The following RBFOX1 variants were observed in gnomAD, a reference collection of about 807,000 sequenced individuals.
The protein encoded by RBFOX1 is RNA binding protein fox-1 homolog 1.
In RBFOX1, 8 loss-of-function variants were observed where a neutral mutation model predicts 57.7. The ratio of observed to expected loss-of-function variants is 0.14; its 90% CI spans 0.08 to 0.25. The LOEUF is 0.25. Ranked by LOEUF, RBFOX1 falls within the 10% of genes least tolerant of loss-of-function variation. The probability of loss-of-function intolerance (pLI) is 1.00; values close to 1 mark genes in which losing one functional copy is unlikely to be tolerated. For synonymous variants in RBFOX1, 326 were observed against 222.4 expected, an observed-to-expected ratio of 1.47 and a Z score of -4.15; for missense variants, 611 against 548.5, an observed-to-expected ratio of 1.11 and a Z score of -1.14.
chr16:6,405,543 G>A (rs560205273), intron 2 of RBFOX1, among the ~76,000 whole-genome samples: 14 of 152,278 alleles, frequency 9.2e-5, no homozygotes, highest in Non-Finnish European at 1.3e-4. Flanking sequence ...CCATGCTTAG[G>A]CCTGCAAGTG....
chr16:6,871,640 G>C (rs1010106896), intron 3 of RBFOX1, among the ~76,000 whole-genome samples: 41 of 151,792 alleles, frequency 2.7e-4, no homozygotes, highest in Admixed American at 7.2e-4. Context: ...CTCCTGCCTG[G>C]AGTGCTGTCA....
intron 2 of RBFOX1, among the ~76,000 whole-genome samples, chr16:6,330,259 G>A (rs558000680): frequency 1.8e-4 from 28 of 152,118 alleles, no homozygotes; most frequent in African/African-American, 2.2e-4. Flanking sequence ...TTACTCCTGC[G>A]TAGTGGTGGC....
At chr16:6,356,876 C>T (rs1022512906) in intron 2 of RBFOX1, among the ~76,000 whole-genome samples, 5 of 152,124 alleles carry the variant, frequency 3.3e-5, no homozygotes, top group African/African-American at 2.4e-5. Context: ...TCTCTGTACT[C>T]TCTCTGCAAT....
At chr16:5,805,014 C>T (rs1206785861) in intron 3 of RBFOX1, among the ~76,000 whole-genome samples, 2 of 151,834 alleles carry the variant, frequency 1.3e-5, no homozygotes, top group East Asian at 3.9e-4. Flanking sequence ...GCTGCTGTGA[C>T]TTGGAGGCTC....
chr16:7,454,215 A>T (rs1285059373), intron 4 of RBFOX1, among the ~76,000 whole-genome samples: 1 of 152,160 alleles, frequency 6.6e-6, no homozygotes, highest in African/African-American at 2.4e-5. Flanking sequence ...CCTGGGCAGG[A>T]GGGCGAGACT....
chr16:6,666,355 G>A (rs1318470850), intron 3 of RBFOX1, among the ~76,000 whole-genome samples: 1 of 152,050 alleles, frequency 6.6e-6, no homozygotes. Flanking sequence ...CCAACATGAT[G>A]AAACCCTTGT....
At chr16:7,449,732 G>C (rs879752950) in intron 4 of RBFOX1, among the ~76,000 whole-genome samples, 1 of 138,434 alleles carries the variant, frequency 7.2e-6, no homozygotes, top group East Asian at 2.2e-4. Context: ...GTGTGTGTGG[G>C]GGGGGGGGGT....
At chr16:6,853,194 G>A (rs1329619373) in intron 3 of RBFOX1, among the ~76,000 whole-genome samples, 1 of 152,224 alleles carries the variant, frequency 6.6e-6, no homozygotes, top group Non-Finnish European at 1.5e-5. Context: ...GACTAATACT[G>A]GTGTTTACCC....
intron 1 of RBFOX1, among the ~76,000 whole-genome samples, chr16:5,266,352 T>C (rs927798417): frequency 1.3e-5 from 2 of 152,060 alleles, no homozygotes; most frequent in Non-Finnish European, 2.9e-5. Context: ...TCCCCAGATA[T>C]TGCCTAATGT....
intron 1 of RBFOX1, among the ~76,000 whole-genome samples, chr16:6,252,632 T>TTTGTG (rs2097626822): frequency 6.6e-6 from 1 of 152,054 alleles, no homozygotes; most frequent in South Asian, 2.1e-4. Flanking sequence ...TTTGTTTTGT[T>TTTGTG]TTGTTTTTGG....
intron 3 of RBFOX1, among the ~76,000 whole-genome samples, chr16:6,935,461 A>G (rs563795288): frequency 6.6e-6 from 1 of 152,216 alleles, no homozygotes; most frequent in Non-Finnish European, 1.5e-5. Context: ...TTCTTTTGCA[A>G]TAATGAATGA....
At chr16:5,816,568 G>A (rs533748815) in intron 3 of RBFOX1, among the ~76,000 whole-genome samples, 1 of 152,242 alleles carries the variant, frequency 6.6e-6, no homozygotes, top group African/African-American at 2.4e-5. Flanking sequence ...TTGGGAGGTT[G>A]AGCCCAGGAC....
chr16:6,815,354 C>T (rs1279902056), intron 3 of RBFOX1, among the ~76,000 whole-genome samples: 1 of 152,130 alleles, frequency 6.6e-6, no homozygotes, highest in East Asian at 1.9e-4. Flanking sequence ...CATCCTGTGA[C>T]TAAGATTGCC....
At chr16:7,489,786 A>G (rs988839708) in intron 4 of RBFOX1, among the ~76,000 whole-genome samples, 1 of 151,674 alleles carries the variant, frequency 6.6e-6, no homozygotes, top group South Asian at 2.1e-4. Context: ...CTTCCAGAGC[A>G]CTGGGATTAC....
intron 4 of RBFOX1, among the ~76,000 whole-genome samples, chr16:7,497,383 T>C (rs2069032158): frequency 1.3e-5 from 2 of 152,272 alleles, no homozygotes; most frequent in South Asian, 4.2e-4. Context: ...TCCTCTCAAC[T>C]GCTACATCCT....
chr16:6,284,702 C>T (rs547660674), intron 1 of RBFOX1, among the ~76,000 whole-genome samples: 2 of 152,204 alleles, frequency 1.3e-5, no homozygotes, highest in African/African-American at 2.4e-5. Context: ...TATTCAATCA[C>T]GGTGCAGAAT....
At chr16:5,837,102 C>T (rs1478784086) in intron 3 of RBFOX1, among the ~76,000 whole-genome samples, 3 of 152,090 alleles carry the variant, frequency 2.0e-5, no homozygotes, top group Non-Finnish European at 4.4e-5. Flanking sequence ...ATAATTCTAG[C>T]CTCCTTTCCC....
chr16:5,458,925 C>T (rs568909026), intron 1 of RBFOX1, among the ~76,000 whole-genome samples: 2 of 152,184 alleles, frequency 1.3e-5, no homozygotes, highest in African/African-American at 4.8e-5. Context: ...GTGGCAGAAG[C>T]CAAGAGCACC....
At chr16:7,704,570 C>G (rs926653670) in intron 14 of RBFOX1, among the ~76,000 whole-genome samples, 13 of 152,160 alleles carry the variant, frequency 8.5e-5, no homozygotes, top group African/African-American at 2.4e-4. Context: ...GCTGCCTCCT[C>G]TCTACCTGCA....
Sources: gnomAD v4.1 joint callset for allele counts (sites outside exome capture counted in the v4.1 genomes callset) on GRCh38, gnomAD v4.1.1 for gene constraint, MANE v1.5 for transcripts, NCBI Gene and HGNC (gene_info 2026-07-23, HGNC 2026-07-21) for gene names.